Variants in STXBP5L observed in about 807,000 individuals in gnomAD.
STXBP5L encodes the protein syntaxin binding protein 5L.
In STXBP5L, 65 loss-of-function variants were observed where a neutral mutation model predicts 144.5. The observed-to-expected ratio is 0.45, with a 90% confidence interval of 0.37 to 0.55. The LOEUF (loss-of-function observed/expected upper bound fraction) is 0.55. Ranked by LOEUF, STXBP5L falls within the 20% of genes least tolerant of loss-of-function variation. The pLI, the probability that STXBP5L is intolerant of heterozygous loss-of-function variation, is 0.00. For missense variants in STXBP5L, 1,298 were observed against 1,405.5 expected (o/e 0.92, Z 1.22); for synonymous variants, 505 against 469.6 (o/e 1.08, Z -0.97).
In STXBP5L at chr3:121,018,747, G is replaced by A. The variant is rs189184185; in HGVS notation, c.288-22953G>A. Reference sequence around the variant, plus strand: ...TATTAAAATAAGGCACAAAATGGCAGATAGGAGGCGGAACTAACTTGCAGC... The same window carrying A: ...TATTAAAATAAGGCACAAAATGGCAAATAGGAGGCGGAACTAACTTGCAGC... On this transcript the variant is annotated intron_variant, in intron 3 of 26. Coordinates refer to ENST00000471454, the MANE Select transcript of STXBP5L (RefSeq NM_001308330.2). Among the ~76,000 whole-genome samples the A allele has an allele frequency of 3.9e-5, 6 of 152,306 alleles. No individual in the cohort carries two copies. In the East Asian group the frequency reaches 1.2e-3, roughly 29 times the overall value.
intron 22 of STXBP5L, among the ~76,000 whole-genome samples, chr3:121,405,710 G>A (rs1242154589): frequency 2.6e-5 from 4 of 151,980 alleles, no homozygotes; most frequent in East Asian, 3.9e-4. Context: ...TTTTCCAGTT[G>A]GAAAAGATTA....
chr3:120,911,357 A>T (rs1708831349), intron 2 of STXBP5L, among the ~76,000 whole-genome samples: 1 of 152,110 alleles, frequency 6.6e-6, no homozygotes, highest in Non-Finnish European at 1.5e-5. Flanking sequence ...TACTTTAAAA[A>T]CATATGGCAT....
chr3:121,318,025 G>C (rs1158816824), intron 19 of STXBP5L, among the ~76,000 whole-genome samples: 1 of 151,706 alleles, frequency 6.6e-6, no homozygotes, highest in African/African-American at 2.4e-5. Flanking sequence ...GATAAAATTG[G>C]GTCATTTATT....
chr3:120,962,125 G>C (rs1477470021), intron 3 of STXBP5L, among the ~76,000 whole-genome samples: 1 of 149,268 alleles, frequency 6.7e-6, no homozygotes, highest in Non-Finnish European at 1.5e-5. Context: ...GGGGTTGTTT[G>C]TTTTTTTCTG....
At chr3:121,168,606 C>T (rs1234387986) in intron 9 of STXBP5L, among the ~76,000 whole-genome samples, 2 of 152,044 alleles carry the variant, frequency 1.3e-5, no homozygotes, top group Admixed American at 6.6e-5. Context: ...TGAAGATCAG[C>T]TTAATGAAAT....
chr3:120,999,453 C>T (rs924018980), intron 3 of STXBP5L, among the ~76,000 whole-genome samples: 4 of 152,156 alleles, frequency 2.6e-5, no homozygotes, highest in African/African-American at 9.7e-5. Context: ...TTAATTTGAT[C>T]CTATGTGTGT....
At position 121,343,584 on chromosome 3, in the gene STXBP5L, A is replaced by T. The variant is rs546226607; in HGVS notation, c.2176+25044A>T. Among the ~76,000 whole-genome samples, 4 of 152,284 alleles carry T rather than the reference A, an allele frequency of 2.6e-5. No individual in the cohort carries two copies. In the South Asian group the frequency reaches 8.3e-4, roughly 32 times the overall value. On this transcript the variant is annotated intron_variant, in intron 20 of 26. Transcript: ENST00000471454. ...ACAAAATCAATGTACAAAAATCACA[A>T]GCATTCTTATACACCAATAACAGAC...
chr3:121,410,313 C>T (rs771933878), intron 23 of STXBP5L, among the ~76,000 whole-genome samples: 1 of 151,812 alleles, frequency 6.6e-6, no homozygotes, highest in East Asian at 1.9e-4. Context: ...ATAATGGTTA[C>T]TTTGATATTG....
chr3:121,171,772 C>A (rs1350981689), intron 9 of STXBP5L, among the ~76,000 whole-genome samples: 1 of 152,198 alleles, frequency 6.6e-6, no homozygotes, highest in African/African-American at 2.4e-5. Flanking sequence ...AATGGCCATA[C>A]TGCCCAAAGT....
chr3:121,292,320 C>A (rs1452649356), intron 19 of STXBP5L, among the ~76,000 whole-genome samples: 1 of 152,092 alleles, frequency 6.6e-6, no homozygotes, highest in African/African-American at 2.4e-5. Context: ...CAGGGAAATG[C>A]AAATCAAAAT....
intron 9 of STXBP5L, among the ~76,000 whole-genome samples, chr3:121,177,296 A>G (rs2046973585): frequency 6.6e-6 from 1 of 152,148 alleles, no homozygotes; most frequent in Admixed American, 6.6e-5. Flanking sequence ...TCATCAAAGA[A>G]CACAATCAAC....
intron 5 of STXBP5L, among the ~76,000 whole-genome samples, chr3:121,055,685 T>A (rs978691650): frequency 4.0e-5 from 6 of 150,846 alleles, no homozygotes; most frequent in Non-Finnish European, 8.9e-5. Context: ...ATTTTTTTTT[T>A]AAAGTAGAGA....
intron 3 of STXBP5L, among the ~76,000 whole-genome samples, chr3:121,017,922 C>T (rs961923964): frequency 1.1e-4 from 17 of 151,956 alleles, no homozygotes; most frequent in East Asian, 3.9e-4. Context: ...CTAAACAAAA[C>T]CAAAAAAATA....
At chr3:121,399,163 C>T (rs980547913) in intron 22 of STXBP5L, among the ~76,000 whole-genome samples, 2 of 152,062 alleles carry the variant, frequency 1.3e-5, no homozygotes, top group Non-Finnish European at 2.9e-5. Flanking sequence ...TCCTCCTCCT[C>T]ATCAGTGTGA....
At chr3:120,979,509 C>T (rs1028842540) in intron 3 of STXBP5L, among the ~76,000 whole-genome samples, 1 of 152,162 alleles carries the variant, frequency 6.6e-6, no homozygotes, top group Non-Finnish European at 1.5e-5. Context: ...CCGAGTGAAG[C>T]AATGCCTCAC....
chr3:121,116,835 C>G (rs1045533105), intron 6 of STXBP5L, among the ~76,000 whole-genome samples: 1 of 151,756 alleles, frequency 6.6e-6, no homozygotes, highest in Non-Finnish European at 1.5e-5. Flanking sequence ...AATATTGTTT[C>G]AGGATATTGA....
intron 11 of STXBP5L, among the ~76,000 whole-genome samples, chr3:121,229,268 A>G (rs114448693): frequency 8.5e-4 from 130 of 152,244 alleles, no homozygotes; most frequent in Non-Finnish European, 1.5e-3. Flanking sequence ...TACTATTTAC[A>G]GTTCCTTTCT....
chr3:120,964,968 A>G (rs190493995), intron 3 of STXBP5L, among the ~76,000 whole-genome samples: 2 of 152,280 alleles, frequency 1.3e-5, no homozygotes, highest in African/African-American at 2.4e-5. Flanking sequence ...TTTTGGGTGC[A>G]TATATATTTA....
At chr3:121,353,476 G>A (rs1576262915) in intron 20 of STXBP5L, among the ~76,000 whole-genome samples, 1 of 152,098 alleles carries the variant, frequency 6.6e-6, no homozygotes. Context: ...GCATAGAGGT[G>A]TTTATAGTAT....
Sources: allele counts gnomAD v4.1 joint callset (sites outside exome capture counted in the v4.1 genomes callset), GRCh38; gene constraint gnomAD v4.1.1; transcripts MANE v1.5; gene names NCBI Gene and HGNC (gene_info 2026-07-23, HGNC 2026-07-21).